Variants in PLD5 observed in about 807,000 individuals in gnomAD.
PLD5 encodes inactive phospholipase D5.
A neutral mutation model predicts 61.1 loss-of-function variants in PLD5; 36 were observed. The ratio of observed to expected loss-of-function variants is 0.59; its 90% CI spans 0.45 to 0.78. The LOEUF is 0.78. Among genes scored for constraint, PLD5 ranks in the 30% least tolerant of loss-of-function variants. The pLI, the probability that PLD5 is intolerant of heterozygous loss-of-function variation, is 0.00. For missense variants in PLD5, 515 were observed against 644.4 expected (o/e 0.80, Z 2.17); for synonymous variants, 243 against 242.8 (o/e 1.00, Z -0.01).
At chr1:242,267,935 A>C (rs2149107625) in intron 3 of PLD5, among the ~76,000 whole-genome samples, 1 of 151,978 alleles carries the variant, frequency 6.6e-6, no homozygotes, top group East Asian at 1.9e-4. Context: ...GGTGAGAGAA[A>C]GAGACAGAGG....
At chr1:242,304,061 A>G (rs944667112) in intron 2 of PLD5, among the ~76,000 whole-genome samples, 20 of 152,222 alleles carry the variant, frequency 1.3e-4, no homozygotes, top group African/African-American at 4.8e-4. Context: ...TCTGGGGTAA[A>G]TTTTCTGTGC....
At chr1:242,414,344 AC>A (rs1194714511) in intron 1 of PLD5, among the ~76,000 whole-genome samples, 2 of 152,336 alleles carry the variant, frequency 1.3e-5, no homozygotes, top group African/African-American at 2.4e-5. Flanking sequence ...TTTGACTCTG[AC>A]CTTTACTCCT....
intron 6 of PLD5, among the ~76,000 whole-genome samples, chr1:242,115,585 A>G (rs983070996): frequency 5.3e-5 from 8 of 151,912 alleles, no homozygotes; most frequent in Admixed American, 6.6e-5. Context: ...ATAGCAAGCC[A>G]TTTACTCCAG....
At chr1:242,353,556 G>A (rs1660591636) in intron 1 of PLD5, among the ~76,000 whole-genome samples, 1 of 151,898 alleles carries the variant, frequency 6.6e-6, no homozygotes, top group Non-Finnish European at 1.5e-5. Flanking sequence ...CTATATCTTT[G>A]AAAAATGACA....
intron 4 of PLD5, among the ~76,000 whole-genome samples, chr1:242,257,247 T>G (rs1673120746): frequency 6.6e-6 from 1 of 152,126 alleles, no homozygotes; most frequent in African/African-American, 2.4e-5. Flanking sequence ...AAAAAAAAGT[T>G]TTGTTATCAG....
intron 5 of PLD5, among the ~76,000 whole-genome samples, chr1:242,213,415 A>G (rs940086934): frequency 1.3e-5 from 2 of 152,116 alleles, no homozygotes; most frequent in East Asian, 3.9e-4. Context: ...AAATCGACAT[A>G]CCTCTGTCAT....
rs757434779 is a variant in PLD5 at position 242,524,238 on chromosome 1, G to A, written c.39C>T (p.Pro13=). 4 of 1,513,048 alleles carry A rather than the reference G, an allele frequency of 2.6e-6. No homozygotes were observed. Among genetic ancestry groups the A allele is most frequent in the East Asian group, 2.6e-5 (1 of 37,814 alleles). The allele number at this position is 1,513,048 out of a possible 1,614,324, so 93.7% of individuals were successfully genotyped here. Residue 13 remains proline, a synonymous_variant, in exon 1 of 10, where the codon CCC becomes CCT. Transcript: ENST00000536534. ...IRQHEWLSAS[P]HEGFEQMRLK... is the part of the protein sequence containing the mutation. ...GCCTCATCTGCTCGAAGCCCTCATG[G>A]GGGGAGGCCGAGAGCCACTCGTGCT...
chr1:242,370,720 G>C (rs1358580554), intron 1 of PLD5, among the ~76,000 whole-genome samples: 2 of 152,152 alleles, frequency 1.3e-5, no homozygotes, highest in Admixed American at 1.3e-4. Flanking sequence ...TCAATAGGAA[G>C]AGTCAATACT....
intron 1 of PLD5, among the ~76,000 whole-genome samples, chr1:242,442,377 A>G (rs1190507831): frequency 6.6e-6 from 1 of 152,208 alleles, no homozygotes; most frequent in Non-Finnish European, 1.5e-5. Flanking sequence ...CAAGATTTCC[A>G]TCTACGTGCA....
intron 9 of PLD5, among the ~76,000 whole-genome samples, chr1:242,096,086 G>C (rs771075438): frequency 6.6e-6 from 1 of 151,792 alleles, no homozygotes; most frequent in Admixed American, 6.6e-5. Flanking sequence ...AGCCTCCCAA[G>C]TAGCTGGGAA....
chr1:242,460,343 A>G (rs1034214315), intron 1 of PLD5, among the ~76,000 whole-genome samples: 12 of 152,180 alleles, frequency 7.9e-5, no homozygotes, highest in African/African-American at 2.7e-4. Context: ...CCCAGCTCTC[A>G]CTATCTTGTG....
intron 5 of PLD5, among the ~76,000 whole-genome samples, chr1:242,217,780 C>T (rs1670308263): frequency 6.6e-6 from 1 of 152,080 alleles, no homozygotes; most frequent in Non-Finnish European, 1.5e-5. Flanking sequence ...AACAAGAGAA[C>T]TAGAATTAGA....
upstream of PLD5, among the ~76,000 whole-genome samples, chr1:242,528,262 T>C (rs1669488256): frequency 6.6e-6 from 1 of 152,248 alleles, no homozygotes; most frequent in Non-Finnish European, 1.5e-5. Context: ...GCTACAGGGA[T>C]GACACATGAG....
At chr1:242,409,337 TG>T (rs1379651969) in intron 1 of PLD5, among the ~76,000 whole-genome samples, 1 of 152,206 alleles carries the variant, frequency 6.6e-6, no homozygotes, top group Non-Finnish European at 1.5e-5. Context: ...AGATGATTCT[TG>T]AAGCCCATTT....
intron 7 of PLD5, among the ~76,000 whole-genome samples, chr1:242,112,333 A>T (rs1443688256): frequency 2.3e-5 from 1 of 42,778 alleles, no homozygotes; most frequent in South Asian, 1.4e-3. Context: ...GTATGTATGT[A>T]TATGTGTATA....
rs1043784666 is a variant in PLD5 at position 242,465,667 on chromosome 1, G to A, written c.189+58421C>T. Among the ~76,000 whole-genome samples, 7 of 152,314 alleles carry A rather than the reference G, an allele frequency of 4.6e-5. No homozygotes were observed. The South Asian group carries it at 1.2e-3, about 27-fold the overall frequency. ...GGCACGGCCGGGCACAGTGGCCTAC[G>A]CCTGTAATCCCAGCACTTTGGGAGG... On this transcript the variant is annotated intron_variant, in intron 1 of 9. Coordinates refer to ENST00000536534, the MANE Select transcript of PLD5 (RefSeq NM_001372062.1).
intron 3 of PLD5, among the ~76,000 whole-genome samples, chr1:242,279,265 A>G (rs551601555): frequency 9.2e-5 from 14 of 152,328 alleles, no homozygotes; most frequent in Admixed American, 2.0e-4. Context: ...CTTGGAACCT[A>G]TGAAAGTTGA....
chr1:242,215,253 C>T (rs2164419), intron 5 of PLD5, among the ~76,000 whole-genome samples: 42,870 of 151,742 alleles, frequency 0.28, 6,483 homozygotes, highest in South Asian at 0.41. Context: ...GATAATGGTT[C>T]AGCTTATGCC....
intron 9 of PLD5, among the ~76,000 whole-genome samples, chr1:242,090,473 C>T (rs943148372): frequency 4.6e-5 from 7 of 152,180 alleles, no homozygotes; most frequent in Non-Finnish European, 1.0e-4. Flanking sequence ...TTACTACCTT[C>T]TCAAAGAGAC....
Sources: gnomAD v4.1 joint callset for allele counts (sites outside exome capture counted in the v4.1 genomes callset) on GRCh38, gnomAD v4.1.1 for gene constraint, MANE v1.5 for transcripts, NCBI Gene and HGNC (gene_info 2026-07-23, HGNC 2026-07-21) for gene names.